Variants in ZNF737 observed in about 807,000 individuals in gnomAD.
The protein encoded by ZNF737 is zinc finger protein 102 (Y3).
A neutral mutation model predicts 11.7 loss-of-function variants in ZNF737; 13 were observed. The observed-to-expected ratio is 1.11, with a 90% CI of 0.73 to 1.77. The LOEUF (loss-of-function observed/expected upper bound fraction) is 1.77, where lower values mean the gene tolerates loss of function less well. Ranked by LOEUF, ZNF737 falls within the 40% of genes most tolerant of loss-of-function variation. The pLI is 0.00. For missense variants in ZNF737, 636 were observed against 638.0 expected (o/e 1.00, Z 0.03); for synonymous variants, 217 against 216.2 (o/e 1.00, Z -0.03).
intron 1 of ZNF737, among the ~76,000 whole-genome samples, chr19:20,560,018 T>C (rs1385527625): frequency 1.3e-5 from 2 of 150,730 alleles, no homozygotes; most frequent in Non-Finnish European, 3.0e-5. Flanking sequence ...TACAAAAAAT[T>C]AGCCGGGCGC....
rs879999344 is a variant in ZNF737, at chr19:20,545,230, G to T, written c.973C>A (p.Pro325Thr). The change falls in exon 4 of 4, where the codon CCC (proline) becomes ACC (threonine). Residue 325 changes from proline (P) to threonine (T), a missense_variant. Pro to Thr is a conservative substitution (Grantham distance 38). Transcript: ENST00000427401. ...CEECGKAFKH[P>T]SVLTTHKRIH... ...CTTTTATGTGTAGTAAGGACAGAGGGGTGCTTAAAGGCTTTGCCACATTCT... is the reference window on the plus strand; with the variant it reads ...CTTTTATGTGTAGTAAGGACAGAGGTGTGCTTAAAGGCTTTGCCACATTCT... The T allele has an allele frequency of 1.7e-5, 27 of 1,593,118 alleles. No individual in the cohort carries two copies. Among genetic ancestry groups the T allele is most frequent in the Admixed American group, 3.5e-5 (2 of 57,842 alleles).
At position 20,544,457 on chromosome 19, in the gene ZNF737, T is replaced by C. The variant is rs1003235516; in HGVS notation, c.*135A>G. The C allele has an allele frequency of 1.3e-6, 2 of 1,494,096 alleles. No individual in the cohort carries two copies. Among genetic ancestry groups the C allele is most frequent in the Admixed American group, 5.0e-5 (2 of 39,884 alleles). The allele number at this position is 1,494,096 out of a possible 1,614,324, so 92.6% of individuals were successfully genotyped here. ...TTTCTTTCCCGCATGAATTATCTAATGTCTACTAAGGTTTGAGGATGAAAT... is the reference window on the plus strand; with the variant it reads ...TTTCTTTCCCGCATGAATTATCTAACGTCTACTAAGGTTTGAGGATGAAAT... On this transcript the variant is annotated 3_prime_UTR_variant, in exon 4 of 4. Coordinates refer to ENST00000427401, the MANE Select transcript of ZNF737 (RefSeq NM_001159293.2).
At chr19:20,555,331 C>T (rs1968849681) in intron 1 of ZNF737, among the ~76,000 whole-genome samples, 1 of 152,062 alleles carries the variant, frequency 6.6e-6, no homozygotes, top group African/African-American at 2.4e-5. Context: ...TGCAGGCACC[C>T]ACTGCCATGC....
intron 1 of ZNF737, among the ~76,000 whole-genome samples, chr19:20,561,539 C>A (rs189700481): frequency 2.6e-5 from 4 of 152,286 alleles, no homozygotes; most frequent in Admixed American, 2.6e-4. Flanking sequence ...GGCAGTGTGA[C>A]AGCCTGTGAC....
chr19:20,532,865 C>CCAT (rs1161352911), downstream of ZNF737, among the ~76,000 whole-genome samples: 10 of 149,748 alleles, frequency 6.7e-5, 1 homozygote, highest in African/African-American at 2.5e-4. Context: ...ATATTTGCTT[C>CCAT]CATCATCATC....
At chr19:20,552,428 A>G (rs1599421776) in intron 3 of ZNF737, 47 bp downstream of exon 3, 2 of 1,376,552 alleles carry the variant, frequency 1.5e-6, no homozygotes, top group Non-Finnish European at 2.0e-6. Flanking sequence ...TGACTTTGGG[A>G]CCTCTTATCT....
chr19:20,536,656 A>G (rs78713961), downstream of ZNF737, among the ~76,000 whole-genome samples: 2,461 of 152,240 alleles, frequency 0.016, 72 homozygotes, highest in African/African-American at 0.056. Context: ...AAAAATACAA[A>G]AATTCCCAGG....
chr19:20,550,716 T>C (rs1292003055), intron 3 of ZNF737, among the ~76,000 whole-genome samples: 3 of 152,010 alleles, frequency 2.0e-5, no homozygotes. Context: ...AAAGACCAGA[T>C]CAAAGATGTA....
At chr19:20,535,525 C>T (rs1555753639), downstream of ZNF737, among the ~76,000 whole-genome samples, 1 of 119,284 alleles carries the variant, frequency 8.4e-6, no homozygotes. Context: ...AAACAAAATC[C>T]TCGTTTTTTT....
At position 20,540,918 on chromosome 19, in the gene ZNF737, A is replaced by G. The variant is rs1167521314; in HGVS notation, c.*3674T>C. ...GCACCATTTATACATTCACACACAC[A>G]TAGAACAATAAAAATATATCCAATT... On this transcript the variant is annotated 3_prime_UTR_variant, in exon 4 of 4. Transcript: ENST00000427401. 1.0e-6 allele frequency: 1 copy of G among 969,642 alleles called. No individual in the cohort carries two copies. Among genetic ancestry groups the G allele is most frequent in the Non-Finnish European group, 1.2e-6 (1 of 815,548 alleles). 60.1% of individuals were successfully genotyped at this position (969,642 alleles called of 1,614,324 possible).
chr19:20,547,400 A>G (rs1371500182), intron 3 of ZNF737, among the ~76,000 whole-genome samples: 1 of 148,594 alleles, frequency 6.7e-6, no homozygotes, highest in African/African-American at 2.5e-5. Context: ...AAAAAAAAAA[A>G]ACACCACCTA....
In ZNF737 at chr19:20,541,979, A is replaced by C. The variant is rs1968224958; in HGVS notation, c.*2613T>G. On this transcript the variant is annotated 3_prime_UTR_variant, in exon 4 of 4. Transcript: ENST00000427401. The stretch of plus-strand genomic sequence containing the variant: ...TTATATACCCACGAATACAAATAAA[A>C]AATTTAAATAATAAAGAGTCAAAAT... 1 of 969,332 alleles carries C rather than the reference A, an allele frequency of 1.0e-6. No individual in the cohort carries two copies. The highest frequency in any genetic ancestry group is 6.2e-5 in the Admixed American group (1 of 16,232). 60.0% of individuals were successfully genotyped at this position (969,332 alleles called of 1,614,324 possible).
rs1293769969 is a variant in ZNF737 at position 20,538,878 on chromosome 19, T to C, written c.*5714A>G. 4.1e-6 allele frequency: 4 copies of C among 985,360 alleles called. No homozygotes were observed. The highest frequency in any genetic ancestry group is 4.8e-6 in the Non-Finnish European group (4 of 829,852). 61.0% of individuals were successfully genotyped at this position (985,360 alleles called of 1,614,324 possible). Reference sequence around the variant, plus strand: ...CATTAATTTTATACATTTGCTTTTTTGAAAAACAAATCTTTTGTTAATTCA... The same window carrying C: ...CATTAATTTTATACATTTGCTTTTTCGAAAAACAAATCTTTTGTTAATTCA... On this transcript the variant is annotated 3_prime_UTR_variant, in exon 4 of 4. Coordinates refer to ENST00000427401, the MANE Select transcript of ZNF737 (RefSeq NM_001159293.2).
At chr19:20,530,899 C>T (rs1276690171), downstream of ZNF737, among the ~76,000 whole-genome samples, 3 of 148,020 alleles carry the variant, frequency 2.0e-5, no homozygotes, top group Admixed American at 2.0e-4. Context: ...GAGGTTGTAG[C>T]GAGCCGAGAT....
Position 20,538,551 on chromosome 19 carries a change from T to C in ZNF737, c.*6041A>G. On this transcript the variant is annotated 3_prime_UTR_variant, in exon 4 of 4. Transcript: ENST00000427401. ...TTCAGTGTACTCGTGGCAAAACTGC[T>C]TTCTGCAAAAAGTAAAAATGGCCTT... 1.3e-6 allele frequency: 1 copy of C among 771,466 alleles called. No homozygotes were observed. The highest frequency in any genetic ancestry group is 1.6e-6 in the Non-Finnish European group (1 of 634,626). 47.8% of individuals were successfully genotyped at this position (771,466 alleles called of 1,614,324 possible).
At chr19:20,553,475 A>G (rs2562633) in intron 2 of ZNF737, among the ~76,000 whole-genome samples, 104,596 of 151,926 alleles carry the variant, frequency 0.69, 37,627 homozygotes, top group African/African-American at 0.91. Flanking sequence ...GGCCAGGCTG[A>G]TCTTGAACTC....
At chr19:20,555,507 G>T (rs913862074) in intron 1 of ZNF737, among the ~76,000 whole-genome samples, 2 of 152,076 alleles carry the variant, frequency 1.3e-5, no homozygotes, top group East Asian at 1.9e-4. Context: ...AATCCTGTTC[G>T]GCATACAGCT....
In ZNF737 at chr19:20,565,766, C is replaced by T; in HGVS notation, c.-126G>A. ...ACAGCAGTGAAGACAAGACCTGGAG[C>T]TCCGGCTGCAGAGACAAAGGCCCCG... On this transcript the variant is annotated 5_prime_UTR_variant, in exon 1 of 4. Transcript: ENST00000427401. 2.0e-6 allele frequency: 3 copies of T among 1,497,610 alleles called. No homozygotes were observed. The highest frequency in any genetic ancestry group is 1.1e-5 in the South Asian group (1 of 88,444). 92.8% of individuals were successfully genotyped at this position (1,497,610 alleles called of 1,614,324 possible).
downstream of ZNF737, among the ~76,000 whole-genome samples, chr19:20,531,229 AGAGAGGGGAGAGGGGAGACGG>A (rs1243787334): frequency 1.8e-3 from 69 of 37,332 alleles, 2 homozygotes; most frequent in African/African-American, 0.014. Flanking sequence ...AAAGGGGAGG[AGAGAGGGGAGAGGGGAGACGG>A]GAGAGGGGAG....
Sources: gnomAD v4.1 joint callset for allele counts (sites outside exome capture counted in the v4.1 genomes callset) on GRCh38, gnomAD v4.1.1 for gene constraint, MANE v1.5 for transcripts, NCBI Gene and HGNC (gene_info 2026-07-23, HGNC 2026-07-21) for gene names.